ZGRF1: variants seen among roughly 807,000 people sequenced by gnomAD.
The protein encoded by ZGRF1 is 5'-3' DNA helicase ZGRF1.
ZGRF1 carries 196 observed loss-of-function variants against 203.5 expected under a neutral mutation model. The observed-to-expected ratio is 0.96, with a 90% CI of 0.86 to 1.08. The LOEUF is 1.08. Ranked by LOEUF, ZGRF1 falls within the 50% of genes least tolerant of loss-of-function variation. The pLI is 0.00. For missense variants in ZGRF1, 2,326 were observed against 2,416.3 expected (o/e 0.96, Z 0.78); for synonymous variants, 809 against 841.3 (o/e 0.96, Z 0.66).
At chr4:112,610,304 C>T (rs1751392069) in intron 7 of ZGRF1, among the ~76,000 whole-genome samples, 1 of 152,112 alleles carries the variant, frequency 6.6e-6, no homozygotes, top group Admixed American at 6.5e-5. Context: ...AGCACGGAGG[C>T]TCATGCCTAT....
intron 1 of ZGRF1, 71 bp from the exon 2 acceptor site, chr4:112,633,313 A>G: frequency 1.4e-6 from 1 of 698,552 alleles, no homozygotes; most frequent in East Asian, 2.7e-5. Flanking sequence ...TTTCTCAATA[A>G]ACTCCCAACC....
rs143057821 is a variant in ZGRF1, at chr4:112,620,176, A to C, written c.177T>G (p.Asp59Glu). The part of the protein sequence containing the change: ...FLKCLEVKPG[D>E]DLESDRYLIT... ...TTAAGTATCGATCACTTTCTAAGTC[A>C]TCTCCAGGTTTCACCTGAAAGAATA... The change falls in exon 5 of 28, where the codon GAT becomes GAG. Residue 59 changes from aspartate to glutamate, a missense_variant. Asp to Glu is a conservative substitution (Grantham distance 45, BLOSUM62 2). Coordinates refer to ENST00000505019, the MANE Select transcript of ZGRF1 (RefSeq NM_018392.5). 1,501 of 1,598,586 alleles carry C rather than the reference A, an allele frequency of 9.4e-4. 2 individuals carry two copies. Among genetic ancestry groups the C allele is most frequent in the Non-Finnish European group, 1.2e-3 (1,373 of 1,175,252 alleles).
At chr4:112,589,910 ATCT>A (rs754472171) in intron 10 of ZGRF1, 36 bp from the exon 11 acceptor site, 2 of 1,486,546 alleles carry the variant, frequency 1.3e-6, no homozygotes, top group Admixed American at 4.5e-5. Context: ...ACAGACCAAA[ATCT>A]TCTGATTTTT....
chr4:112,568,625 C>T lies in ZGRF1; in HGVS notation c.4439-5351G>A, dbSNP rs545709910. ...TACTTGGAGGCAGAGGCAGCAGAAC[C>T]GCTTGAACCCGGGAGGTGGAGGTTG... is the stretch of plus-strand genomic sequence containing the variant. On this transcript the variant is annotated intron_variant, in intron 16 of 27. Coordinates refer to ENST00000505019, the MANE Select transcript of ZGRF1 (RefSeq NM_018392.5). 1.0e-3 allele frequency among the ~76,000 whole-genome samples: 156 copies of T among 150,394 alleles called. 2 individuals carry two copies. Among genetic ancestry groups the T allele is most frequent in the African/African-American group, 3.6e-3 (147 of 40,966 alleles).
intron 6 of ZGRF1, among the ~76,000 whole-genome samples, chr4:112,614,805 C>A (rs899577696): frequency 2.6e-5 from 4 of 151,098 alleles, no homozygotes; most frequent in African/African-American, 7.3e-5. Flanking sequence ...CCAGCCTGGG[C>A]AACAGAGCGA....
rs376354320 is a variant in ZGRF1 at position 112,625,401 on chromosome 4, G to A, written c.103-1525C>T. ...GAGATCGAGACCATCCTGCTAACAC[G>A]GTGAAACCCCATCTCTACTAAAAAT... On this transcript the variant is annotated intron_variant, in intron 3 of 27. Coordinates refer to ENST00000505019, the MANE Select transcript of ZGRF1 (RefSeq NM_018392.5). 9.8e-3 allele frequency among the ~76,000 whole-genome samples: 1,485 copies of A among 151,006 alleles called. 17 individuals carry two copies. The highest frequency in any genetic ancestry group is 0.034 in the African/African-American group (1,384 of 41,092).
At chr4:112,576,898 C>T (rs79070937) in intron 16 of ZGRF1, among the ~76,000 whole-genome samples, 1 of 151,812 alleles carries the variant, frequency 6.6e-6, no homozygotes, top group African/African-American at 2.4e-5. Context: ...GCAAGGCAGG[C>T]CAACATTCAA....
chr4:112,551,343 A>C (rs938574909), intron 22 of ZGRF1, among the ~76,000 whole-genome samples: 16 of 152,224 alleles, frequency 1.1e-4, no homozygotes, highest in African/African-American at 3.9e-4. Context: ...TCTCAGAATG[A>C]TATATGACTG....
rs185585343 is a variant in ZGRF1, at chr4:112,579,819, A to T, written c.4438+1844T>A. On this transcript the variant is annotated intron_variant, in intron 16 of 27. Transcript: ENST00000505019. ...CATTCCAAGCTCATGGGTAGGAAGAATCAATATTGTGAAAACGGCCATACT... is the reference window on the plus strand; with the variant it reads ...CATTCCAAGCTCATGGGTAGGAAGATTCAATATTGTGAAAACGGCCATACT... Among the ~76,000 whole-genome samples the T allele has an allele frequency of 1.2e-3, 142 of 122,048 alleles. 36 individuals carry two copies. The highest frequency in any genetic ancestry group is 3.8e-3 in the African/African-American group (135 of 35,230). The allele number at this position is 122,048 out of a possible 152,430, so 80.1% of individuals were successfully genotyped here.
chr4:112,560,739 T>C lies in ZGRF1; in HGVS notation c.4954A>G (p.Ile1652Val), dbSNP rs1187774118. The change falls in exon 19 of 28, where the codon ATA (isoleucine) becomes GTA (valine). Residue 1652 changes from isoleucine (I) to valine (V), a missense_variant. Physicochemically the swap from Ile to Val is conservative, Grantham distance 29. Coordinates refer to ENST00000505019, the MANE Select transcript of ZGRF1 (RefSeq NM_018392.5). Reference protein sequence around the residue: ...LQTHTFPITIIHGVFGAGKSY... With the variant: ...LQTHTFPITIVHGVFGAGKSY... ...TTTCTTTCTTGCTTCTTACCATGTA[T>C]GATTGTGATAGGGAAGGTATGAGTT... 5.0e-6 allele frequency: 8 copies of C among 1,584,458 alleles called. No individual in the cohort carries two copies. Among genetic ancestry groups the C allele is most frequent in the Non-Finnish European group, 6.9e-6 (8 of 1,159,626 alleles).
In ZGRF1 at chr4:112,633,230, CT is replaced by C; in HGVS notation, c.-55del. Reference sequence around the variant, plus strand: ...GGTCCAGAAAATAGGAAATATTCAACTATTTATACCACCTAAAATTAAAAAT... The same window carrying C: ...GGTCCAGAAAATAGGAAATATTCAACATTTATACCACCTAAAATTAAAAAT... On this transcript the variant is annotated 5_prime_UTR_variant, in exon 2 of 28. The change creates a new upstream start codon in the 5' untranslated region. Coordinates refer to ENST00000505019, the MANE Select transcript of ZGRF1 (RefSeq NM_018392.5). 7.7e-7 allele frequency: 1 copy of C among 1,296,996 alleles called. No individual in the cohort carries two copies. 80.3% of individuals were successfully genotyped at this position (1,296,996 alleles called of 1,614,324 possible). A position where few individuals can be genotyped will look rare whatever the true frequency, so the allele number is the denominator to read the frequency against.
At position 112,619,031 on chromosome 4, in the gene ZGRF1, A is replaced by G. The variant is rs1429898968; in HGVS notation, c.1011T>C (p.Pro337=). The part of the protein sequence containing the change: ...WAMYLSSQSS[P]IHSSTVDGND... ...TCCCATCTACAGTAGAAGAATGTATAGGTGAACTCTGTGAGGATAAATACA... is the reference window on the plus strand; with the variant it reads ...TCCCATCTACAGTAGAAGAATGTATGGGTGAACTCTGTGAGGATAAATACA... Residue 337 remains proline (P), a synonymous_variant, in exon 6 of 28, where the codon CCT becomes CCC. Transcript: ENST00000505019. 6.2e-7 allele frequency: 1 copy of G among 1,614,060 alleles called. No individual in the cohort carries two copies. The highest frequency in any genetic ancestry group is 8.5e-7 in the Non-Finnish European group (1 of 1,179,952).
Position 112,619,196 on chromosome 4 carries a change from T to C in ZGRF1, c.846A>G (p.Gln282=), listed in dbSNP as rs1243561882. ...TAGCAATTTTTAAACTTCCTTGTGG[T>C]TGTTTTTGAGGAAAATGCTCTGTCA... ...SEMTEHFPQK[Q]PQGSLKIATK... is the part of the protein sequence containing the mutation. The change falls in exon 6 of 28, where the codon CAA becomes CAG. Residue 282 remains glutamine (Q), a synonymous_variant. Transcript: ENST00000505019. 6.2e-7 allele frequency: 1 copy of C among 1,613,286 alleles called. No homozygotes were observed. Among genetic ancestry groups the C allele is most frequent in the African/African-American group, 1.3e-5 (1 of 74,942 alleles).
chr4:112,625,353 G>A (rs372351875), intron 3 of ZGRF1, among the ~76,000 whole-genome samples: 6 of 152,046 alleles, frequency 3.9e-5, no homozygotes, highest in East Asian at 3.9e-4. Context: ...TTGGGAGGCC[G>A]AGGCGGCGGA....
In ZGRF1 at chr4:112,562,379, C is replaced by T; in HGVS notation, c.4689G>A (p.Leu1563=). The T allele has an allele frequency of 6.3e-7, 1 of 1,584,512 alleles. No individual in the cohort carries two copies. The highest frequency in any genetic ancestry group is 8.6e-7 in the Non-Finnish European group (1 of 1,156,266). The change falls in exon 18 of 28, where the codon CTG becomes CTA. Residue 1563 remains leucine (L), a synonymous_variant. Coordinates refer to ENST00000505019, the MANE Select transcript of ZGRF1 (RefSeq NM_018392.5). ...GGTAAAAAATGACTTACGTTGTTAA[C>T]AGGTACTGTGTTAGAGGTAGAGTAG... ...NPATLPLTQY[L]LTTSSPTIVS...
chr4:112,611,178 G>A (rs1305088730), intron 7 of ZGRF1, among the ~76,000 whole-genome samples: 2 of 152,092 alleles, frequency 1.3e-5, no homozygotes, highest in Non-Finnish European at 2.9e-5. Flanking sequence ...TGAGGCGGGT[G>A]GATCACTTGA....
intron 9 of ZGRF1, 51 bp downstream of exon 9, chr4:112,605,957 G>C: frequency 8.4e-7 from 1 of 1,195,996 alleles, no homozygotes. Flanking sequence ...GTTTTAAACA[G>C]AAAAGAAAAT....
intron 24 of ZGRF1, among the ~76,000 whole-genome samples, chr4:112,545,384 C>T (rs2148823171): frequency 6.6e-6 from 1 of 152,020 alleles, no homozygotes; most frequent in Non-Finnish European, 1.5e-5. Context: ...CTAATAAGCA[C>T]ATGAAAAGAT....
chr4:112,558,449 C>T (rs1162953749), intron 19 of ZGRF1, 140 bp from the exon 20 acceptor site: 2 of 599,840 alleles, frequency 3.3e-6, no homozygotes, highest in African/African-American at 2.0e-5. Context: ...CTCACTGTAA[C>T]CTCCACCTCC....
Sources: allele counts gnomAD v4.1 joint callset (sites outside exome capture counted in the v4.1 genomes callset), GRCh38; gene constraint gnomAD v4.1.1; transcripts MANE v1.5; gene names NCBI Gene and HGNC (gene_info 2026-07-23, HGNC 2026-07-21).